Variants in CCSER1 observed in about 807,000 individuals in gnomAD.
CCSER1 encodes serine-rich coiled-coil domain-containing protein 1.
In CCSER1, 41 loss-of-function variants were observed where a neutral mutation model predicts 82.0. That is an observed-to-expected ratio of 0.50 (90% CI 0.39 to 0.65). CCSER1 has a LOEUF of 0.65. Ranked by LOEUF, CCSER1 falls within the 30% of genes least tolerant of loss-of-function variation. CCSER1 has a pLI of 0.00. For synonymous variants in CCSER1, 414 were observed against 383.9 expected (o/e 1.08, Z -0.92); for missense variants, 1,119 against 1,064.2 (o/e 1.05, Z -0.72).
chr4:90,777,443 T>C (rs1245570783), intron 7 of CCSER1, among the ~76,000 whole-genome samples: 1 of 151,824 alleles, frequency 6.6e-6, no homozygotes, highest in Non-Finnish European at 1.5e-5. Context: ...CCTCCTTGAC[T>C]TAGTTTTCTT....
intron 10 of CCSER1, among the ~76,000 whole-genome samples, chr4:91,372,528 G>A (rs140549377): frequency 0.02 from 2,960 of 150,180 alleles, 75 homozygotes; most frequent in African/African-American, 0.068. Context: ...CAATTCTATT[G>A]TTCTTTCTTT....
intron 10 of CCSER1, among the ~76,000 whole-genome samples, chr4:91,272,614 T>C (rs980842580): frequency 2.0e-5 from 3 of 152,222 alleles, no homozygotes; most frequent in Non-Finnish European, 4.4e-5. Flanking sequence ...AAGTCCCGGC[T>C]ATTTATCTTT....
At chr4:91,191,807 C>A (rs1279309517) in intron 10 of CCSER1, among the ~76,000 whole-genome samples, 1 of 152,122 alleles carries the variant, frequency 6.6e-6, no homozygotes, top group Admixed American at 6.5e-5. Flanking sequence ...TGTGCGTGGC[C>A]CTGAACTGGT....
In CCSER1 at chr4:91,161,670, G is replaced by C. The variant is rs1347713959; in HGVS notation, c.2217+75676G>C. On this transcript the variant is annotated intron_variant, in intron 10 of 10. Transcript: ENST00000509176. ...ATTTTATTTTCTTTGTAGCAATTGT[G>C]AAAGGGAGTTCACTCATGATTTGGC... Among the ~76,000 whole-genome samples the C allele has an allele frequency of 2.0e-5, 3 of 152,096 alleles. No individual in the cohort carries two copies. The East Asian group carries it at 5.8e-4, about 29-fold the overall frequency.
intron 10 of CCSER1, among the ~76,000 whole-genome samples, chr4:91,447,948 T>G (rs942289208): frequency 6.6e-6 from 1 of 152,102 alleles, no homozygotes; most frequent in African/African-American, 2.4e-5. Context: ...AAGTGTATAT[T>G]ATGTTTTATT....
chr4:91,498,475 C>A (rs534032278), intron 10 of CCSER1, among the ~76,000 whole-genome samples: 1 of 150,774 alleles, frequency 6.6e-6, no homozygotes, highest in East Asian at 1.9e-4. Context: ...TTTTAATTTT[C>A]AGGGTGACCT....
chr4:91,284,264 A>G (rs1743116038), intron 10 of CCSER1, among the ~76,000 whole-genome samples: 1 of 152,136 alleles, frequency 6.6e-6, no homozygotes, highest in Non-Finnish European at 1.5e-5. Flanking sequence ...GCCACAGCTA[A>G]TGAGAACTTT....
intron 1 of CCSER1, among the ~76,000 whole-genome samples, chr4:90,280,179 A>G (rs1170919342): frequency 5.3e-5 from 8 of 152,026 alleles, no homozygotes; most frequent in South Asian, 2.1e-4. Context: ...AGTCTTTTCC[A>G]TATCTGATTT....
At chr4:90,343,446 G>A (rs182470889) in intron 3 of CCSER1, among the ~76,000 whole-genome samples, 31 of 152,076 alleles carry the variant, frequency 2.0e-4, no homozygotes, top group Admixed American at 1.6e-3. Flanking sequence ...GTGAAACCCC[G>A]TCTCTACTGA....
intron 5 of CCSER1, among the ~76,000 whole-genome samples, chr4:90,547,231 TAAAA>T (rs1776872078): frequency 1.3e-5 from 2 of 150,516 alleles, no homozygotes; most frequent in African/African-American, 4.9e-5. Flanking sequence ...TTAAATAAAA[TAAAA>T]TAAAAAAAAG....
chr4:91,004,852 G>T (rs1343996962), intron 9 of CCSER1, among the ~76,000 whole-genome samples: 1 of 152,114 alleles, frequency 6.6e-6, no homozygotes, highest in Non-Finnish European at 1.5e-5. Context: ...TGATAAGTGT[G>T]ATTTCTAAGT....
intron 9 of CCSER1, among the ~76,000 whole-genome samples, chr4:90,999,615 AGATTCTG>A (rs1224974145): frequency 1.3e-5 from 2 of 152,142 alleles, no homozygotes; most frequent in African/African-American, 4.8e-5. Context: ...AGTTTCTTAC[AGATTCTG>A]GATATTAGAA....
chr4:91,578,700 ATAT>A (rs1763575254), intron 10 of CCSER1, among the ~76,000 whole-genome samples: 3 of 152,000 alleles, frequency 2.0e-5, no homozygotes, highest in African/African-American at 4.8e-5. Flanking sequence ...ACACTTTGGA[ATAT>A]TATTTCTCCC....
At chr4:90,240,958 C>A (rs1280796434) in intron 1 of CCSER1, among the ~76,000 whole-genome samples, 1 of 152,204 alleles carries the variant, frequency 6.6e-6, no homozygotes, top group East Asian at 1.9e-4. Flanking sequence ...AGTGTTTGAG[C>A]AGCTTTAGTC....
At chr4:90,366,254 G>T (rs1341644547) in intron 3 of CCSER1, among the ~76,000 whole-genome samples, 1 of 151,572 alleles carries the variant, frequency 6.6e-6, no homozygotes, top group Non-Finnish European at 1.5e-5. Flanking sequence ...TTCTATTCAG[G>T]TTCATTTATA....
intron 10 of CCSER1, among the ~76,000 whole-genome samples, chr4:91,115,585 C>CT (rs61587079): frequency 6.6e-6 from 1 of 151,706 alleles, no homozygotes; most frequent in African/African-American, 2.4e-5. Flanking sequence ...TTGGTCAACT[C>CT]TTTTTTTATA....
intron 4 of CCSER1, among the ~76,000 whole-genome samples, chr4:90,406,416 G>A (rs2153549685): frequency 6.6e-6 from 1 of 152,196 alleles, no homozygotes; most frequent in African/African-American, 2.4e-5. Context: ...AATGGTGGGG[G>A]ACTTCAATAC....
rs188834405 is a variant in CCSER1, at chr4:90,736,318, G to C, written c.2010+12327G>C. On this transcript the variant is annotated intron_variant, in intron 7 of 10. Transcript: ENST00000509176. ...GAATGTGGGGTGTTGAAGTCCCCAA[G>C]TATTATTGTATTGGAGTCAATCTCT... Among the ~76,000 whole-genome samples the C allele has an allele frequency of 5.2e-3, 796 of 152,108 alleles. 6 individuals are homozygous for C. Among genetic ancestry groups the C allele is most frequent in the African/African-American group, 0.018 (765 of 41,542 alleles).
rs569426214 is a variant in CCSER1 at position 91,540,588 on chromosome 4, A to T, written c.2218-57984A>T. ...GACTAGTTTATCAATTATTTCTTTT[A>T]TAGATTGTGCCTTTAGTGTATCTAA... On this transcript the variant is annotated intron_variant, in intron 10 of 10. Transcript: ENST00000509176. Among the ~76,000 whole-genome samples the T allele has an allele frequency of 2.6e-5, 4 of 152,206 alleles. No individual in the cohort carries two copies. In the East Asian group the frequency reaches 7.7e-4, roughly 29 times the overall value.
Sources: allele counts gnomAD v4.1 joint callset (sites outside exome capture counted in the v4.1 genomes callset), GRCh38; gene constraint gnomAD v4.1.1; transcripts MANE v1.5; gene names NCBI Gene and HGNC (gene_info 2026-07-23, HGNC 2026-07-21).